PXT1: variants seen among roughly 807,000 people sequenced by gnomAD.
The protein encoded by PXT1 is peroxisomal testis enriched protein 1.
Under a neutral mutation model 11.0 loss-of-function variants are expected in PXT1, and 11 were observed. That is an observed-to-expected ratio of 1.00 (90% CI 0.63 to 1.66). The LOEUF (loss-of-function observed/expected upper bound fraction) is 1.66, where lower values mean the gene tolerates loss of function less well. Among genes scored for constraint, PXT1 ranks in the 40% most tolerant of loss-of-function variants. PXT1 has a pLI of 0.00. For missense variants in PXT1, 141 were observed against 155.5 expected (o/e 0.91, Z 0.49); for synonymous variants, 43 against 51.4 (o/e 0.84, Z 0.70).
At chr6:36,427,687 A>G (rs1774627379) in intron 2 of PXT1, among the ~76,000 whole-genome samples, 1 of 152,212 alleles carries the variant, frequency 6.6e-6, no homozygotes, top group South Asian at 2.1e-4. Context: ...TTATTAATGA[A>G]ATATTTTACA....
chr6:36,427,313 G>C (rs1774622960), intron 2 of PXT1, among the ~76,000 whole-genome samples: 1 of 134,444 alleles, frequency 7.4e-6, no homozygotes, highest in African/African-American at 3.1e-5. Flanking sequence ...ATTATGACTT[G>C]TTGTCTTCCT....
Position 36,391,670 on chromosome 6 carries a change from A to G in PXT1, c.*100T>C. 1 of 826,810 alleles carries G rather than the reference A, an allele frequency of 1.2e-6. No homozygotes were observed. The highest frequency in any genetic ancestry group is 1.4e-5 in the South Asian group (1 of 70,508). 51.2% of individuals were successfully genotyped at this position (826,810 alleles called of 1,614,324 possible). ...AACAGTGATGGGTACAAAAAGAGGG[A>G]GACGGAGAAGGGTGTTCTTCCCATC... On this transcript the variant is annotated 3_prime_UTR_variant, in exon 5 of 5. Coordinates refer to ENST00000454782, the MANE Select transcript of PXT1 (RefSeq NM_152990.4).
chr6:36,395,263 G>A (rs1774127028), intron 4 of PXT1, among the ~76,000 whole-genome samples: 3 of 152,188 alleles, frequency 2.0e-5, no homozygotes, highest in Admixed American at 6.5e-5. Flanking sequence ...TTGATGAGCT[G>A]CTTGATAGGC....
intron 3 of PXT1, among the ~76,000 whole-genome samples, chr6:36,411,895 C>T (rs1775215587): frequency 6.6e-6 from 1 of 152,048 alleles, no homozygotes; most frequent in African/African-American, 2.4e-5. Flanking sequence ...CTGCACTGAG[C>T]CAAGATCTTG....
chr6:36,441,116 A>G (rs1042602188), intron 1 of PXT1, among the ~76,000 whole-genome samples: 1 of 151,904 alleles, frequency 6.6e-6, no homozygotes, highest in Non-Finnish European at 1.5e-5. Flanking sequence ...AAAAAGAAAA[A>G]AAAAAAAAAA....
intron 3 of PXT1, among the ~76,000 whole-genome samples, chr6:36,423,018 C>T (rs1365022050): frequency 6.9e-6 from 1 of 144,216 alleles, no homozygotes; most frequent in Non-Finnish European, 1.5e-5. Context: ...CTTCCCACGA[C>T]CCTCAACTCT....
intron 2 of PXT1, among the ~76,000 whole-genome samples, chr6:36,438,440 T>C (rs372634503): frequency 6.6e-6 from 1 of 152,204 alleles, no homozygotes; most frequent in East Asian, 1.9e-4. Flanking sequence ...TTTTTGTTTT[T>C]TGAGACTGAG....
intron 3 of PXT1, among the ~76,000 whole-genome samples, chr6:36,423,995 T>A (rs372710118): frequency 1.3e-5 from 2 of 152,220 alleles, no homozygotes; most frequent in African/African-American, 2.4e-5. Context: ...TTCACCTGCC[T>A]CTTCTTTTGA....
chr6:36,408,917 T>C (rs1483487852), intron 3 of PXT1, among the ~76,000 whole-genome samples: 1 of 151,938 alleles, frequency 6.6e-6, no homozygotes, highest in Non-Finnish European at 1.5e-5. Flanking sequence ...TCAGCCTCAA[T>C]GTGTCGGAAC....
chr6:36,403,093 C>T (rs1774237909), intron 3 of PXT1, among the ~76,000 whole-genome samples: 1 of 152,100 alleles, frequency 6.6e-6, no homozygotes, highest in Non-Finnish European at 1.5e-5. Flanking sequence ...CTCGTGACCT[C>T]AAGTGATCTG....
At chr6:36,405,807 CTA>C (rs1326105664) in intron 3 of PXT1, among the ~76,000 whole-genome samples, 3 of 152,156 alleles carry the variant, frequency 2.0e-5, no homozygotes, top group Non-Finnish European at 4.4e-5. Flanking sequence ...TCTACCTTTT[CTA>C]TGTTTAGATA....
intron 3 of PXT1, among the ~76,000 whole-genome samples, chr6:36,412,025 A>C (rs143838901): frequency 1.3e-5 from 2 of 152,210 alleles, no homozygotes; most frequent in African/African-American, 4.8e-5. Context: ...ATGTTTTGCA[A>C]ATTCTAATGT....
intron 2 of PXT1, among the ~76,000 whole-genome samples, chr6:36,430,837 C>CA (rs1774681969): frequency 6.6e-6 from 1 of 152,028 alleles, no homozygotes; most frequent in Admixed American, 6.6e-5. Context: ...CTCTGTCACC[C>CA]AGGCTGGAGT....
chr6:36,399,738 G>A (rs770211635), intron 4 of PXT1, among the ~76,000 whole-genome samples: 6 of 152,104 alleles, frequency 3.9e-5, no homozygotes, highest in Admixed American at 6.6e-5. Context: ...AGGTTGTTTC[G>A]GAGGAAAACT....
At chr6:36,409,757 T>C (rs1373923330) in intron 3 of PXT1, among the ~76,000 whole-genome samples, 1 of 150,734 alleles carries the variant, frequency 6.6e-6, no homozygotes, top group African/African-American at 2.4e-5. Flanking sequence ...GCCTAGAAGT[T>C]TGAGGCTGCA....
At chr6:36,396,786 G>A (rs1383348285) in intron 4 of PXT1, among the ~76,000 whole-genome samples, 1 of 152,190 alleles carries the variant, frequency 6.6e-6, no homozygotes, top group African/African-American at 2.4e-5. Context: ...GAGAGACAAT[G>A]GAATGATCAG....
intron 2 of PXT1, among the ~76,000 whole-genome samples, chr6:36,436,340 G>A (rs1582275787): frequency 6.6e-6 from 1 of 152,214 alleles, no homozygotes; most frequent in Non-Finnish European, 1.5e-5. Flanking sequence ...AAGCAGGCAA[G>A]AGACCACTGT....
chr6:36,407,090 T>C (rs1274874187), intron 3 of PXT1, among the ~76,000 whole-genome samples: 1 of 152,236 alleles, frequency 6.6e-6, no homozygotes, highest in Non-Finnish European at 1.5e-5. Flanking sequence ...GAAGTGGAAT[T>C]TAAAAATTAA....
intron 3 of PXT1, among the ~76,000 whole-genome samples, chr6:36,402,138 T>G (rs951439469): frequency 8.5e-5 from 13 of 152,056 alleles, no homozygotes; most frequent in African/African-American, 3.1e-4. Context: ...TTTTACCCAC[T>G]CTCCTTGATG....
Sources: gnomAD v4.1 joint callset for allele counts (sites outside exome capture counted in the v4.1 genomes callset) on GRCh38, gnomAD v4.1.1 for gene constraint, MANE v1.5 for transcripts, NCBI Gene and HGNC (gene_info 2026-07-23, HGNC 2026-07-21) for gene names.